Variants in FARP1 observed in about 807,000 individuals in gnomAD.
FARP1 encodes FERM, ARHGEF and pleckstrin domain-containing protein 1.
FARP1 carries 52 observed loss-of-function variants against 128.8 expected under a neutral mutation model. The ratio of observed to expected loss-of-function variants is 0.40; its 90% CI spans 0.32 to 0.51. The LOEUF (loss-of-function observed/expected upper bound fraction) is 0.51, where lower values mean the gene tolerates loss of function less well. FARP1 is among the 20% of genes least tolerant of loss of function. FARP1 has a pLI of 0.45. For synonymous variants in FARP1, 580 were observed against 551.8 expected (o/e 1.05, Z -0.72); for missense variants, 1,333 against 1,367.9 (o/e 0.97, Z 0.40).
chr13:98,318,872 T>C (rs528780217), intron 2 of FARP1, among the ~76,000 whole-genome samples: 41 of 152,292 alleles, frequency 2.7e-4, no homozygotes, highest in Admixed American at 1.5e-3. Flanking sequence ...CGTGTTTCAT[T>C]TATGCATCTG....
intron 2 of FARP1, among the ~76,000 whole-genome samples, chr13:98,299,779 C>T (rs138569208): frequency 6.6e-6 from 1 of 152,328 alleles, no homozygotes; most frequent in Non-Finnish European, 1.5e-5. Context: ...ATGGCTGCAA[C>T]ACACGACTGC....
intron 1 of FARP1, among the ~76,000 whole-genome samples, chr13:98,199,424 C>T (rs748417730): frequency 6.6e-6 from 1 of 152,154 alleles, no homozygotes; most frequent in Non-Finnish European, 1.5e-5. Flanking sequence ...ACTTTGTGTC[C>T]TATAGGGTGT....
chr13:98,149,514 G>A (rs1195044627), intron 1 of FARP1, among the ~76,000 whole-genome samples: 2 of 152,046 alleles, frequency 1.3e-5, no homozygotes, highest in Non-Finnish European at 2.9e-5. Flanking sequence ...GTAAGAAAGC[G>A]TTGGCACCAT....
Position 98,440,190 on chromosome 13 carries a change from A to G in FARP1, c.2584A>G (p.Ser862Gly). 1 of 1,614,046 alleles carries G rather than the reference A, an allele frequency of 6.2e-7. No individual in the cohort carries two copies. The highest frequency in any genetic ancestry group is 8.5e-7 in the Non-Finnish European group (1 of 1,179,982). ...GGCCATTGACCTGGCGGAGAAGAGC[A>G]GCAGCCCCGCCCCTGAGTTCCTGGC... ...QMAIDLAEKS[S>G]SPAPEFLASS... Residue 862 changes from serine (S) to glycine (G), a missense_variant, in exon 23 of 27, where the codon AGC becomes GGC. By Grantham distance (56) the Ser-to-Gly change is moderately conservative. Transcript: ENST00000319562.
intron 2 of FARP1, among the ~76,000 whole-genome samples, chr13:98,224,546 G>A (rs7989902): frequency 0.13 from 13,485 of 101,870 alleles, 823 homozygotes; most frequent in East Asian, 0.48. Context: ...AAAAAAAAAA[G>A]AAAAAAAAAA....
At chr13:98,392,325 A>C (rs1382129320) in intron 11 of FARP1, among the ~76,000 whole-genome samples, 2,129 of 12,566 alleles carry the variant, frequency 0.17, 155 homozygotes, top group East Asian at 0.4. Flanking sequence ...TCTCTACCCA[A>C]AAAAAAAAAA....
At chr13:98,229,701 T>A (rs63432660) in intron 2 of FARP1, among the ~76,000 whole-genome samples, 17 of 139,942 alleles carry the variant, frequency 1.2e-4, no homozygotes, top group Admixed American at 8.5e-4. Context: ...TTTTTTTTTT[T>A]AATAAAGATG....
At chr13:98,243,847 C>G (rs1882917476) in intron 2 of FARP1, among the ~76,000 whole-genome samples, 1 of 151,758 alleles carries the variant, frequency 6.6e-6, no homozygotes, top group African/African-American at 2.4e-5. Flanking sequence ...TCACTGTTGA[C>G]TTTTTCAAGA....
intron 1 of FARP1, among the ~76,000 whole-genome samples, chr13:98,181,963 T>G (rs918197341): frequency 1.3e-5 from 2 of 152,116 alleles, no homozygotes; most frequent in African/African-American, 4.8e-5. Flanking sequence ...GCAAGAGAGA[T>G]TAGCGCTATC....
chr13:98,427,583 A>G (rs367854435), intron 17 of FARP1, among the ~76,000 whole-genome samples: 1 of 152,218 alleles, frequency 6.6e-6, no homozygotes, highest in African/African-American at 2.4e-5. Flanking sequence ...CTGTTCAGCA[A>G]GTGTCCTTCG....
chr13:98,437,825 T>C (rs1265972508), intron 19 of FARP1: 1 of 1,597,716 alleles, frequency 6.3e-7, no homozygotes, highest in Non-Finnish European at 8.5e-7. Context: ...GCATCCCATG[T>C]GCTCCAGAGA....
At chr13:98,430,939 A>C (rs929271266) in intron 17 of FARP1, 104 bp from the exon 18 acceptor site, 2 of 696,222 alleles carry the variant, frequency 2.9e-6, no homozygotes, top group African/African-American at 3.6e-5. Context: ...CAAATCGTGA[A>C]ATAGAGAGTG....
intron 2 of FARP1, among the ~76,000 whole-genome samples, chr13:98,300,536 T>G: frequency 6.6e-6 from 1 of 152,182 alleles, no homozygotes; most frequent in East Asian, 1.9e-4. Flanking sequence ...TTTATAAACA[T>G]ATACAAAATG....
At chr13:98,235,958 G>C (rs1882389364) in intron 2 of FARP1, among the ~76,000 whole-genome samples, 1 of 151,840 alleles carries the variant, frequency 6.6e-6, no homozygotes. Context: ...AGAGTAGCTG[G>C]GATTACAGGC....
At chr13:98,293,463 AG>A (rs2139672724) in intron 2 of FARP1, among the ~76,000 whole-genome samples, 1 of 152,274 alleles carries the variant, frequency 6.6e-6, no homozygotes, top group South Asian at 2.1e-4. Flanking sequence ...CCACTAAGAA[AG>A]GTGGACCCCA....
At position 98,441,020 on chromosome 13, in the gene FARP1, G is replaced by A. The variant is rs2274052; in HGVS notation, c.2796+184G>A. Among the ~76,000 whole-genome samples, 19 of 152,370 alleles carry A rather than the reference G, an allele frequency of 1.2e-4. No homozygotes were observed. In the East Asian group the frequency reaches 3.7e-3, roughly 29 times the overall value. ...GGAGCCTGCCGGAGGTATCCCTGCAGGGGTGATGCTGAGTGGGCGCCGACC... is the reference window on the plus strand; with the variant it reads ...GGAGCCTGCCGGAGGTATCCCTGCAAGGGTGATGCTGAGTGGGCGCCGACC... On this transcript the variant is annotated intron_variant, in intron 24 of 26. Transcript: ENST00000319562.
chr13:98,235,588 G>A (rs1425369466), intron 2 of FARP1, among the ~76,000 whole-genome samples: 1 of 152,130 alleles, frequency 6.6e-6, no homozygotes, highest in East Asian at 1.9e-4. Context: ...TGGGTGGGAT[G>A]TCATAAAGCT....
At chr13:98,234,845 T>C (rs1001848625) in intron 2 of FARP1, 8 of 152,220 alleles carry the variant, frequency 5.3e-5, no homozygotes, top group African/African-American at 1.9e-4. Context: ...CAAGCCCATC[T>C]TTCCACATAG....
intron 1 of FARP1, among the ~76,000 whole-genome samples, chr13:98,151,126 T>C (rs563156601): frequency 6.6e-6 from 1 of 151,978 alleles, no homozygotes; most frequent in African/African-American, 2.4e-5. Context: ...CCTTCTTCAT[T>C]ATGAGAAGGT....
Sources: gnomAD v4.1 joint callset for allele counts (sites outside exome capture counted in the v4.1 genomes callset) on GRCh38, gnomAD v4.1.1 for gene constraint, MANE v1.5 for transcripts, NCBI Gene and HGNC (gene_info 2026-07-23, HGNC 2026-07-21) for gene names.